The following ZNF84 variants were observed in gnomAD, a reference collection of about 807,000 sequenced individuals.
ZNF84 encodes the protein zinc finger protein 84, also known as zinc finger protein HPF2.
In ZNF84, 12 loss-of-function variants were observed where a neutral mutation model predicts 14.8. The observed-to-expected ratio is 0.81, with a 90% CI of 0.52 to 1.31. The LOEUF is 1.31. Among genes scored for constraint, ZNF84 ranks in the 50% most tolerant of loss-of-function variants. ZNF84 has a pLI of 0.00. For synonymous variants in ZNF84, 347 were observed against 291.1 expected (o/e 1.19, Z -1.96); for missense variants, 859 against 878.6 (o/e 0.98, Z 0.28).
Position 133,041,350 on chromosome 12 carries a change from C to T in ZNF84, c.-118C>T. On this transcript the variant is annotated 5_prime_UTR_variant, in exon 2 of 5. Coordinates refer to ENST00000539354, the MANE Select transcript of ZNF84 (RefSeq NM_001289971.2). Reference sequence around the variant, plus strand: ...AAAGGAGTTCCTGGAACCAGGAATTCATTCTCAGTGTAGAAGACCTAGCTG... The same window carrying T: ...AAAGGAGTTCCTGGAACCAGGAATTTATTCTCAGTGTAGAAGACCTAGCTG... The T allele has an allele frequency of 1.1e-6, 1 of 951,430 alleles. No homozygotes were observed. Among genetic ancestry groups the T allele is most frequent in the South Asian group, 1.4e-5 (1 of 70,846 alleles). The allele number at this position is 951,430 out of a possible 1,614,324, so 58.9% of individuals were successfully genotyped here.
intron 1 of ZNF84, chr12:133,039,002 G>T (rs901015905): frequency 1.3e-5 from 2 of 152,264 alleles, no homozygotes; most frequent in Middle Eastern, 3.4e-3. Context: ...TCCTAAGAAT[G>T]GTTACCTGTG....
rs1389369415 is a variant in ZNF84 at position 133,063,007 on chromosome 12, C to G, written c.*4075C>G. ...TTTTATCTTTCCCACTAGAAAGCTTCTAGAAAGCTAGTACTATCTTTTTTG... is the reference window on the plus strand; with the variant it reads ...TTTTATCTTTCCCACTAGAAAGCTTGTAGAAAGCTAGTACTATCTTTTTTG... On this transcript the variant is annotated 3_prime_UTR_variant, in exon 5 of 5. Coordinates refer to ENST00000539354, the MANE Select transcript of ZNF84 (RefSeq NM_001289971.2). The G allele has an allele frequency of 3.0e-6, 2 of 669,188 alleles. No homozygotes were observed. Among genetic ancestry groups the G allele is most frequent in the East Asian group, 5.4e-5 (2 of 36,940 alleles). 41.5% of individuals were successfully genotyped at this position (669,188 alleles called of 1,614,324 possible).
Position 133,061,730 on chromosome 12 carries a change from G to A in ZNF84, c.*2798G>A, listed in dbSNP as rs1954268217. On this transcript the variant is annotated 3_prime_UTR_variant, in exon 5 of 5. Coordinates refer to ENST00000539354, the MANE Select transcript of ZNF84 (RefSeq NM_001289971.2). ...ACTAGATAATGGAACTTCAACATTA[G>A]CCTATTGATTGCCCAAGAACAAACA... 4 of 152,042 alleles carry A rather than the reference G, an allele frequency of 2.6e-5. No homozygotes were observed. Among genetic ancestry groups the A allele is most frequent in the Non-Finnish European group, 2.9e-5 (2 of 68,016 alleles). 9.4% of individuals were successfully genotyped at this position (152,042 alleles called of 1,614,324 possible). A position where few individuals can be genotyped will look rare whatever the true frequency, so the allele number is the denominator to read the frequency against.
chr12:133,044,781 G>A (rs937462051), intron 2 of ZNF84, among the ~76,000 whole-genome samples: 50 of 152,084 alleles, frequency 3.3e-4, no homozygotes, highest in East Asian at 2.9e-3. Context: ...GGGCGTGGTG[G>A]CAGGCGCCTG....
At chr12:133,041,939 A>G (rs1304536379) in intron 2 of ZNF84, among the ~76,000 whole-genome samples, 1 of 152,180 alleles carries the variant, frequency 6.6e-6, no homozygotes, top group South Asian at 2.1e-4. Context: ...TGCAGTTTCA[A>G]TTTTCCAATT....
rs1465076105 is a variant in ZNF84, at chr12:133,059,218, T to G, written c.*286T>G. The stretch of plus-strand genomic sequence containing the variant: ...GTCCAAAAGCCTTCCAGAAGTCAAG[T>G]CTCTTAAGCTATTAGAAATATTCCC... On this transcript the variant is annotated 3_prime_UTR_variant, in exon 5 of 5. Transcript: ENST00000539354. The G allele has an allele frequency of 7.4e-6, 3 of 407,502 alleles. No individual in the cohort carries two copies. The highest frequency in any genetic ancestry group is 1.3e-5 in the Non-Finnish European group (3 of 230,814). 25.2% of individuals were successfully genotyped at this position (407,502 alleles called of 1,614,324 possible). A position where few individuals can be genotyped will look rare whatever the true frequency, so the allele number is the denominator to read the frequency against.
chr12:133,057,781 T>G lies in ZNF84; in HGVS notation c.1066T>G (p.Phe356Val). 6.2e-7 allele frequency: 1 copy of G among 1,614,154 alleles called. No individual in the cohort carries two copies. Among genetic ancestry groups the G allele is most frequent in the South Asian group, 1.1e-5 (1 of 91,086 alleles). ...TGAATGCAGGGAATGTGGGAAAGCC[T>G]TCAGCAGGAAGTCACAACTCGTTAC... ...PFECRECGKA[F>V]SRKSQLVTHH... Residue 356 changes from phenylalanine to valine, a missense_variant, in exon 5 of 5, where the codon TTC becomes GTC. Phe to Val is a conservative substitution (Grantham distance 50, BLOSUM62 -1). Transcript: ENST00000539354.
intron 4 of ZNF84, among the ~76,000 whole-genome samples, chr12:133,055,985 C>T (rs1296981274): frequency 6.6e-6 from 1 of 152,130 alleles, no homozygotes; most frequent in Non-Finnish European, 1.5e-5. Flanking sequence ...CCTGTTGTCC[C>T]AACTACTCAG....
chr12:133,056,607 A>G (rs1954163056), intron 4 of ZNF84, among the ~76,000 whole-genome samples: 1 of 152,186 alleles, frequency 6.6e-6, no homozygotes, highest in African/African-American at 2.4e-5. Context: ...CTACCTGGGC[A>G]TAGTGTATAC....
intron 2 of ZNF84, among the ~76,000 whole-genome samples, chr12:133,046,347 G>GGTTTGTTTTTT (rs1953976790): frequency 3.4e-5 from 4 of 116,406 alleles, no homozygotes; most frequent in African/African-American, 7.2e-5. Flanking sequence ...AGTCCTCACA[G>GGTTTGTTTTTT]TTTTTTTTTT....
At position 133,058,733 on chromosome 12, in the gene ZNF84, A is replaced by G; in HGVS notation, c.2018A>G (p.His673Arg). The part of the protein sequence containing the change: ...AFSRKSHLIP[H>R]QRTHTGEKPY... The stretch of plus-strand genomic sequence containing the variant: ...TCTCGGAAGTCACACCTTATACCAC[A>G]TCAAAGGACACATACGGGTGAGAAA... The change falls in exon 5 of 5, where the codon CAT (histidine) becomes CGT (arginine). Residue 673 changes from histidine to arginine, a missense_variant. Transcript: ENST00000539354. 6.2e-7 allele frequency: 1 copy of G among 1,614,022 alleles called. No individual in the cohort carries two copies. The highest frequency in any genetic ancestry group is 8.5e-7 in the Non-Finnish European group (1 of 1,179,952).
In ZNF84 at chr12:133,060,683, G is replaced by A. The variant is rs1431468248; in HGVS notation, c.*1751G>A. ...CTTAAGTCAGGAACTATCTGTATAA[G>A]GAAACAAGATTTCCATTTTATCATT... On this transcript the variant is annotated 3_prime_UTR_variant, in exon 5 of 5. Transcript: ENST00000539354. 1 of 152,120 alleles carries A rather than the reference G, an allele frequency of 6.6e-6. No individual in the cohort carries two copies. Among genetic ancestry groups the A allele is most frequent in the Non-Finnish European group, 1.5e-5 (1 of 68,020 alleles). The allele number at this position is 152,120 out of a possible 1,614,324, so 9.4% of individuals were successfully genotyped here. A position where few individuals can be genotyped will look rare whatever the true frequency, so the allele number is the denominator to read the frequency against.
At position 133,060,747 on chromosome 12, in the gene ZNF84, C is replaced by T. The variant is rs1300061919; in HGVS notation, c.*1815C>T. 2.6e-5 allele frequency: 4 copies of T among 152,090 alleles called. No homozygotes were observed. Among genetic ancestry groups the T allele is most frequent in the Non-Finnish European group, 4.4e-5 (3 of 68,018 alleles). 9.4% of individuals were successfully genotyped at this position (152,090 alleles called of 1,614,324 possible). ...ACTTTGTTTCACTAGTTGCATTATC[C>T]CCATGGAAAACTTCACATTGAGAAC... On this transcript the variant is annotated 3_prime_UTR_variant, in exon 5 of 5. Coordinates refer to ENST00000539354, the MANE Select transcript of ZNF84 (RefSeq NM_001289971.2).
At chr12:133,049,086 C>T (rs953316450) in intron 4 of ZNF84, among the ~76,000 whole-genome samples, 20 of 152,232 alleles carry the variant, frequency 1.3e-4, no homozygotes, top group Non-Finnish European at 7.3e-5. Flanking sequence ...GAACAATTGA[C>T]ATTAGCTACT....
intron 2 of ZNF84, among the ~76,000 whole-genome samples, chr12:133,045,851 C>T (rs1953970309): frequency 6.6e-6 from 1 of 152,120 alleles, no homozygotes; most frequent in East Asian, 1.9e-4. Flanking sequence ...TTTATTTTCA[C>T]CATGCTCTTT....
intron 2 of ZNF84, among the ~76,000 whole-genome samples, chr12:133,046,894 T>A (rs933407644): frequency 9.9e-4 from 123 of 124,824 alleles, no homozygotes; most frequent in African/African-American, 3.6e-3. Flanking sequence ...ATATTATTTT[T>A]AATATAATAT....
rs1263262953 is a variant in ZNF84 at position 133,062,512 on chromosome 12, T to G, written c.*3580T>G. 1 of 157,444 alleles carries G rather than the reference T, an allele frequency of 6.4e-6. No individual in the cohort carries two copies. The highest frequency in any genetic ancestry group is 1.4e-5 in the Non-Finnish European group (1 of 70,998). 9.8% of individuals were successfully genotyped at this position (157,444 alleles called of 1,614,324 possible). ...CAATTTCAGAGGTCTTATTAGTCTA[T>G]ACAGGTACCAATGAGCTTTCAGATG... On this transcript the variant is annotated 3_prime_UTR_variant, in exon 5 of 5. Transcript: ENST00000539354.
rs1312594786 is a variant in ZNF84 at position 133,058,505 on chromosome 12, A to G, written c.1790A>G (p.Lys597Arg). Residue 597 changes from lysine (K) to arginine (R), a missense_variant, in exon 5 of 5, where the codon AAA becomes AGA. By Grantham distance (26) the Lys-to-Arg change is conservative. Coordinates refer to ENST00000539354, the MANE Select transcript of ZNF84 (RefSeq NM_001289971.2). ...CATCAGAGAATTCACACTGGAGAGAAACCCTATGAATGCAGTCTTTGTAGG... is the reference window on the plus strand; with the variant it reads ...CATCAGAGAATTCACACTGGAGAGAGACCCTATGAATGCAGTCTTTGTAGG... ...NTHQRIHTGE[K>R]PYECSLCRKA... is the part of the protein sequence containing the mutation. The G allele has an allele frequency of 6.2e-7, 1 of 1,614,078 alleles. No homozygotes were observed.
intron 1 of ZNF84, chr12:133,040,885 G>GAAA (rs1953874859): frequency 6.6e-6 from 1 of 152,200 alleles, no homozygotes; most frequent in Non-Finnish European, 1.5e-5. Context: ...AGGAAATTAG[G>GAAA]CTCAGAATGG....
Sources: gnomAD v4.1 joint callset for allele counts (sites outside exome capture counted in the v4.1 genomes callset) on GRCh38, gnomAD v4.1.1 for gene constraint, MANE v1.5 for transcripts, NCBI Gene and HGNC (gene_info 2026-07-23, HGNC 2026-07-21) for gene names.